ADGRL4: variants seen among roughly 807,000 people sequenced by gnomAD.
The protein encoded by ADGRL4 is EGF, latrophilin and seven transmembrane domain containing 1.
Under a neutral mutation model 74.8 loss-of-function variants are expected in ADGRL4, and 90 were observed. The observed-to-expected ratio is 1.20, with a 90% confidence interval of 1.02 to 1.43. The LOEUF is 1.43. Among genes scored for constraint, ADGRL4 ranks in the 40% most tolerant of loss-of-function variants. The probability of loss-of-function intolerance (pLI) is 0.00; values close to 1 mark genes in which losing one functional copy is unlikely to be tolerated. For synonymous variants in ADGRL4, 311 were observed against 279.2 expected, an observed-to-expected ratio of 1.11 and a Z score of -1.14; for missense variants, 881 against 814.3, an observed-to-expected ratio of 1.08 and a Z score of -1.00.
chr1:78,998,044 C>T (rs60610083), intron 2 of ADGRL4, among the ~76,000 whole-genome samples: 3 of 152,120 alleles, frequency 2.0e-5, no homozygotes, highest in Non-Finnish European at 4.4e-5. Context: ...ATCTGTGTAG[C>T]CTTTGGAAAA....
chr1:78,975,643 A>G (rs185957033), intron 2 of ADGRL4, among the ~76,000 whole-genome samples: 2 of 152,084 alleles, frequency 1.3e-5, no homozygotes, highest in Admixed American at 6.6e-5. Context: ...GAATTGTTAT[A>G]TATAAGCTTT....
intron 12 of ADGRL4, among the ~76,000 whole-genome samples, chr1:78,916,458 G>C (rs1460032128): frequency 6.6e-6 from 1 of 151,762 alleles, no homozygotes; most frequent in East Asian, 1.9e-4. Flanking sequence ...TATGTGGGTT[G>C]GAAATTTTGG....
At chr1:78,931,543 T>C (rs772998037) in intron 7 of ADGRL4, among the ~76,000 whole-genome samples, 22 of 151,268 alleles carry the variant, frequency 1.5e-4, no homozygotes, top group South Asian at 6.2e-4. Context: ...AATAACCAGA[T>C]AGCATCATGA....
At position 78,926,929 on chromosome 1, in the gene ADGRL4, A is replaced by C; in HGVS notation, c.1040T>G (p.Leu347Ter). 6.2e-7 allele frequency: 1 copy of C among 1,612,154 alleles called. No homozygotes were observed. The highest frequency in any genetic ancestry group is 8.5e-7 in the Non-Finnish European group (1 of 1,178,862). ...SVSMSSNPPT[L>*]YELEKITFTL... The stretch of plus-strand genomic sequence containing the variant: ...AAATGTTATTTTTTCAAGTTCATAT[A>C]ATGTGGGTGGGTTTGAGCTCATTGA... The change falls in exon 8 of 15, where the codon TTA (leucine) becomes TGA (stop). Residue 347 changes from leucine (L) to a stop codon, truncating the protein, a stop_gained. Transcript: ENST00000370742. LOFTEE classifies it high-confidence loss of function.
At chr1:78,934,608 G>A (rs1273069901) in intron 7 of ADGRL4, among the ~76,000 whole-genome samples, 1 of 152,038 alleles carries the variant, frequency 6.6e-6, no homozygotes, top group Non-Finnish European at 1.5e-5. Flanking sequence ...TCATCAAAGT[G>A]AACTGGAAAC....
At chr1:78,912,569 T>C (rs1648784145) in intron 12 of ADGRL4, among the ~76,000 whole-genome samples, 1 of 151,804 alleles carries the variant, frequency 6.6e-6, no homozygotes. Context: ...CAACAATCTG[T>C]GGAAAAATCG....
At chr1:78,922,194 T>G (rs539873113) in intron 8 of ADGRL4, among the ~76,000 whole-genome samples, 2 of 152,124 alleles carry the variant, frequency 1.3e-5, no homozygotes, top group South Asian at 2.1e-4. Context: ...TGAAAAATTA[T>G]TCAATGAGAA....
intron 2 of ADGRL4, among the ~76,000 whole-genome samples, chr1:78,997,063 C>T (rs1650731596): frequency 6.6e-6 from 1 of 152,070 alleles, no homozygotes; most frequent in Admixed American, 6.6e-5. Context: ...GTAAAAATCA[C>T]AGACAAACCA....
chr1:78,917,638 ATGATTAGGCATGC>A lies in ADGRL4; in HGVS notation c.1732_1744del (p.Ala578PhefsTer22). The A allele has an allele frequency of 6.3e-7, 1 of 1,593,996 alleles. No homozygotes were observed. Among genetic ancestry groups the A allele is most frequent in the East Asian group, 2.2e-5 (1 of 44,562 alleles). ...AACAATTTTATATATACATACAAGA[ATGATTAGGCATGC>A]TGGTCCTATAAAACTCCAAATAAAG... is the stretch of plus-strand genomic sequence containing the variant. On this transcript the variant is annotated frameshift_variant, in exon 12 of 15. Coordinates refer to ENST00000370742, the MANE Select transcript of ADGRL4 (RefSeq NM_022159.4). LOFTEE classifies it high-confidence loss of function.
At chr1:78,903,674 G>T (rs567959168) in intron 12 of ADGRL4, among the ~76,000 whole-genome samples, 14 of 152,110 alleles carry the variant, frequency 9.2e-5, no homozygotes, top group Admixed American at 2.0e-4. Context: ...GGTGGCTCAC[G>T]CCTGTAATCT....
intron 9 of ADGRL4, 128 bp downstream of exon 9, chr1:78,921,485 A>C: frequency 2.1e-6 from 1 of 476,696 alleles, no homozygotes; most frequent in Non-Finnish European, 3.5e-6. Flanking sequence ...TTGGGGTTTT[A>C]TCTCTTATAC....
chr1:78,982,999 G>A (rs1011770795), intron 2 of ADGRL4, among the ~76,000 whole-genome samples: 3 of 151,802 alleles, frequency 2.0e-5, no homozygotes, highest in African/African-American at 7.3e-5. Context: ...CTAGGCTACG[G>A]GGGCAGAGGG....
chr1:78,944,833 G>T (rs1348545992), intron 3 of ADGRL4, among the ~76,000 whole-genome samples: 1 of 151,942 alleles, frequency 6.6e-6, no homozygotes, highest in East Asian at 1.9e-4. Flanking sequence ...GTGAAGCGTA[G>T]GTACATGAGA....
chr1:78,991,907 T>A (rs1650615035), intron 2 of ADGRL4, among the ~76,000 whole-genome samples: 1 of 152,032 alleles, frequency 6.6e-6, no homozygotes, highest in South Asian at 2.1e-4. Context: ...TCAATACACA[T>A]TGCCAGATAT....
chr1:78,891,187 T>G lies in ADGRL4; in HGVS notation c.2040A>C (p.Lys680Asn). Residue 680 changes from lysine to asparagine, a missense_variant, in exon 15 of 15, where the codon AAA becomes AAC. By Grantham distance (94) the Lys-to-Asn change is moderately conservative. Coordinates refer to ENST00000370742, the MANE Select transcript of ADGRL4 (RefSeq NM_022159.4). ...AACATCCAAAACAACAGGGGACATT[T>G]TTGAACAATCTGTAATATTCTTCTT... is the stretch of plus-strand genomic sequence containing the variant. ...KIQEEYYRLF[K>N]NVPCCFGCLR 1.2e-6 allele frequency: 2 copies of G among 1,611,332 alleles called. No homozygotes were observed. The highest frequency in any genetic ancestry group is 1.7e-6 in the Non-Finnish European group (2 of 1,178,254).
At chr1:79,006,597 C>A in intron 1 of ADGRL4, 36 bp downstream of exon 1, 2 of 1,533,470 alleles carry the variant, frequency 1.3e-6, no homozygotes, top group South Asian at 1.2e-5. Flanking sequence ...TTGGTCCCTC[C>A]GACGACCTCG....
intron 7 of ADGRL4, among the ~76,000 whole-genome samples, chr1:78,930,447 A>ATTTTT: frequency 1.0e-5 from 1 of 97,282 alleles, no homozygotes; most frequent in Admixed American, 1.2e-4. Flanking sequence ...GGAAAAGCTG[A>ATTTTT]TTTTTTTTTT....
At chr1:78,900,095 G>T (rs947035947) in intron 12 of ADGRL4, among the ~76,000 whole-genome samples, 21 of 152,120 alleles carry the variant, frequency 1.4e-4, no homozygotes, top group African/African-American at 5.1e-4. Flanking sequence ...AGCAGGAAAA[G>T]ACACCAACAG....
Position 78,920,265 on chromosome 1 carries a change from G to A in ADGRL4, c.1379C>T (p.Thr460Ile), listed in dbSNP as rs897510285. 3.1e-6 allele frequency: 5 copies of A among 1,611,986 alleles called. No individual in the cohort carries two copies. In the African/African-American group the frequency reaches 6.7e-5, roughly 22 times the overall value. The change falls in exon 10 of 15, where the codon ACA (threonine) becomes ATA (isoleucine). Residue 460 changes from threonine to isoleucine, a missense_variant. Physicochemically the swap from Thr to Ile is moderately conservative, Grantham distance 89. Transcript: ENST00000370742. ...WFFSEIQSTR[T>I]TIHKNLCCSL... ...ACAGCAAAGATTTTTGTGAATTGTTGTCCTGGTGCTTTGAATTTCACTGAA... is the reference window on the plus strand; with the variant it reads ...ACAGCAAAGATTTTTGTGAATTGTTATCCTGGTGCTTTGAATTTCACTGAA...
Sources: allele counts gnomAD v4.1 joint callset (sites outside exome capture counted in the v4.1 genomes callset), GRCh38; gene constraint gnomAD v4.1.1; transcripts MANE v1.5; gene names NCBI Gene and HGNC (gene_info 2026-07-23, HGNC 2026-07-21).